The following MYZAP variants were observed in gnomAD, a reference collection of about 807,000 sequenced individuals.
MYZAP encodes the protein GRINL1A complex locus upstream.
A neutral mutation model predicts 69.4 loss-of-function variants in MYZAP; 66 were observed. The ratio of observed to expected loss-of-function variants is 0.95; its 90% CI spans 0.78 to 1.17. The LOEUF is 1.17. Ranked by LOEUF, MYZAP falls within the 50% of genes most tolerant of loss-of-function variation. MYZAP has a pLI of 0.00. For missense variants in MYZAP, 611 were observed against 556.2 expected (o/e 1.10, Z -0.99); for synonymous variants, 256 against 205.9 (o/e 1.24, Z -2.09).
At chr15:57,664,277 C>G (rs1482465819) in intron 11 of MYZAP, among the ~76,000 whole-genome samples, 2 of 152,108 alleles carry the variant, frequency 1.3e-5, no homozygotes, top group Admixed American at 6.5e-5. Flanking sequence ...GTGGCTTCTT[C>G]CAAGGTGATT....
At chr15:57,640,530 A>G (rs2733597) in intron 10 of MYZAP, among the ~76,000 whole-genome samples, 3,451 of 152,346 alleles carry the variant, frequency 0.023, 150 homozygotes, top group African/African-American at 0.079. Context: ...TTAATGAATT[A>G]TTAAAATTAA....
At chr15:57,668,178 A>G (rs2038684502) in intron 11 of MYZAP, among the ~76,000 whole-genome samples, 1 of 152,208 alleles carries the variant, frequency 6.6e-6, no homozygotes, top group Admixed American at 6.5e-5. Context: ...CAGTTTATTC[A>G]TTCAGCTGAC....
intron 7 of MYZAP, among the ~76,000 whole-genome samples, chr15:57,633,321 T>C (rs2036616658): frequency 6.6e-6 from 1 of 152,204 alleles, no homozygotes; most frequent in Non-Finnish European, 1.5e-5. Flanking sequence ...GAGCATCTAC[T>C]CAATGTTATT....
chr15:57,592,740 G>C (rs1299309360), intron 1 of MYZAP, among the ~76,000 whole-genome samples: 1 of 152,196 alleles, frequency 6.6e-6, no homozygotes, highest in African/African-American at 2.4e-5. Flanking sequence ...CTTTGGAAGT[G>C]CTGTTTCTTT....
intron 12 of MYZAP, among the ~76,000 whole-genome samples, chr15:57,683,014 A>G (rs2039518742): frequency 6.6e-6 from 1 of 152,082 alleles, no homozygotes; most frequent in South Asian, 2.1e-4. Context: ...GAGGCTTGAG[A>G]GTTAAATGAA....
At chr15:57,630,986 TA>T (rs1279221217) in intron 6 of MYZAP, among the ~76,000 whole-genome samples, 1 of 152,180 alleles carries the variant, frequency 6.6e-6, no homozygotes, top group Non-Finnish European at 1.5e-5. Flanking sequence ...CCGGTCTCTG[TA>T]TTGCCGCCCT....
At chr15:57,674,138 A>AT (rs146413303) in intron 11 of MYZAP, among the ~76,000 whole-genome samples, 8,171 of 149,828 alleles carry the variant, frequency 0.055, 330 homozygotes, top group African/African-American at 0.1. Context: ...CTTTCTGAAT[A>AT]TTTTTTTTTT....
chr15:57,646,377 A>G, intron 10 of MYZAP: 1 of 1,174,546 alleles, frequency 8.5e-7, no homozygotes. Context: ...AAACACCCAC[A>G]TACTGTCACC....
intron 4 of MYZAP, among the ~76,000 whole-genome samples, chr15:57,624,991 T>C (rs1401814336): frequency 1.3e-5 from 2 of 151,654 alleles, no homozygotes; most frequent in Non-Finnish European, 2.9e-5. Context: ...GGCTTCTGAC[T>C]CAGACATGTT....
intron 4 of MYZAP, among the ~76,000 whole-genome samples, chr15:57,625,399 T>G (rs2036070654): frequency 6.6e-6 from 1 of 152,190 alleles, no homozygotes; most frequent in Admixed American, 6.5e-5. Context: ...CTCTCCATGG[T>G]GACTACAAAG....
Position 57,598,731 on chromosome 15 carries a change from A to G in MYZAP, c.76-5538A>G, listed in dbSNP as rs559894393. ...TTTGTAGATTGATAGTTCAGCCCCT[A>G]TCTGTTTGTCCATTTGCCTGTCCTA... On this transcript the variant is annotated intron_variant, in intron 1 of 12. Coordinates refer to ENST00000267853, the MANE Select transcript of MYZAP (RefSeq NM_001018100.5). Among the ~76,000 whole-genome samples the G allele has an allele frequency of 7.2e-5, 11 of 152,310 alleles. No individual in the cohort carries two copies. The East Asian group carries it at 1.9e-3, about 27-fold the overall frequency.
chr15:57,614,867 G>C (rs1432343350), intron 2 of MYZAP, among the ~76,000 whole-genome samples: 1 of 152,146 alleles, frequency 6.6e-6, no homozygotes, highest in Admixed American at 6.5e-5. Flanking sequence ...ACACAGTAGG[G>C]TCATTGTGAG....
intron 1 of MYZAP, among the ~76,000 whole-genome samples, chr15:57,601,274 TTGTGTGTG>T (rs10679285): frequency 6.7e-6 from 1 of 148,248 alleles, no homozygotes; most frequent in Non-Finnish European, 1.5e-5. Flanking sequence ...GTGTGCACAC[TTGTGTGTG>T]TGTGTGTGTG....
At chr15:57,646,951 T>C in intron 10 of MYZAP, 1 of 985,460 alleles carries the variant, frequency 1.0e-6, no homozygotes, top group Non-Finnish European at 1.2e-6. Flanking sequence ...ATTGGTGTTT[T>C]ATCAGAACAT....
rs1041195485 is a variant in MYZAP at position 57,639,487 on chromosome 15, G to C, written c.1061G>C (p.Arg354Thr). Residue 354 changes from arginine to threonine, a missense_variant, in exon 10 of 13, where the codon AGA becomes ACA. Coordinates refer to ENST00000267853, the MANE Select transcript of MYZAP (RefSeq NM_001018100.5). ...EASASLRERI[R>T]HLDDMVHCQQ... ...TCAGCCAGCCTCCGTGAGCGGATCAGACACCTAGATGACATGGTGCATTGC... is the reference window on the plus strand; with the variant it reads ...TCAGCCAGCCTCCGTGAGCGGATCACACACCTAGATGACATGGTGCATTGC... 2 of 1,614,150 alleles carry C rather than the reference G, an allele frequency of 1.2e-6. No homozygotes were observed. Among genetic ancestry groups the C allele is most frequent in the Non-Finnish European group, 1.7e-6 (2 of 1,180,012 alleles).
intron 12 of MYZAP, among the ~76,000 whole-genome samples, chr15:57,684,129 T>C (rs1294631721): frequency 2.9e-5 from 2 of 69,170 alleles, no homozygotes; most frequent in African/African-American, 6.3e-5. Flanking sequence ...ATCCCATTCA[T>C]GAGGGCTCCA....
intron 1 of MYZAP, among the ~76,000 whole-genome samples, chr15:57,594,251 G>A (rs1277404687): frequency 6.6e-6 from 1 of 152,186 alleles, no homozygotes; most frequent in Non-Finnish European, 1.5e-5. Context: ...GAGTAGCTGG[G>A]ACTACAGGCG....
Position 57,604,363 on chromosome 15 carries a change from A to G in MYZAP, c.162+8A>G. ...ATTGAGAGAAAAGAGCAGGTAAGGT[A>G]TCTCCGAGGCAAAGCCCCAACAAGT... On this transcript the variant is annotated splice_region_variant and intron_variant, in intron 2 of 12. Coordinates refer to ENST00000267853, the MANE Select transcript of MYZAP (RefSeq NM_001018100.5). The G allele has an allele frequency of 1.2e-6, 2 of 1,614,140 alleles. No homozygotes were observed. The highest frequency in any genetic ancestry group is 1.7e-6 in the Non-Finnish European group (2 of 1,179,980).
intron 1 of MYZAP, among the ~76,000 whole-genome samples, chr15:57,596,130 C>G (rs2034042290): frequency 6.6e-6 from 1 of 152,168 alleles, no homozygotes. Context: ...TTGATTTCCC[C>G]TAGACATTTA....
Sources: gnomAD v4.1 joint callset for allele counts (sites outside exome capture counted in the v4.1 genomes callset) on GRCh38, gnomAD v4.1.1 for gene constraint, MANE v1.5 for transcripts, NCBI Gene and HGNC (gene_info 2026-07-23, HGNC 2026-07-21) for gene names.